Variants in NUTM1 observed in about 807,000 individuals in gnomAD.
NUTM1 encodes NUT midline carcinoma family member 1, also known as NUT family member 1.
A neutral mutation model predicts 88.7 loss-of-function variants in NUTM1; 39 were observed. That is an observed-to-expected ratio of 0.44 (90% CI 0.34 to 0.57). The LOEUF (loss-of-function observed/expected upper bound fraction) is 0.57, where lower values mean the gene tolerates loss of function less well. NUTM1 is among the 20% of genes least tolerant of loss of function. The pLI is 0.01. For missense variants in NUTM1, 1,350 were observed against 1,414.5 expected (o/e 0.95, Z 0.73); for synonymous variants, 494 against 538.0 (o/e 0.92, Z 1.13).
chr15:34,346,063 T>C (rs1852307456), intron 2 of NUTM1, 28 bp downstream of exon 2: 1 of 1,608,164 alleles, frequency 6.2e-7, no homozygotes, highest in African/African-American at 1.3e-5. Context: ...GAGGAGGATT[T>C]CTGGTACCTG....
In NUTM1 at chr15:34,348,333, G is replaced by A. The variant is rs1289508620; in HGVS notation, c.465G>A (p.Glu155=). 6.2e-7 allele frequency: 1 copy of A among 1,614,118 alleles called. No homozygotes were observed. The highest frequency in any genetic ancestry group is 8.5e-7 in the Non-Finnish European group (1 of 1,180,048). ...CGGGCACTCCCTGTGGAGGCCTTGAGGGTCCTGCACCTCCATTTGTGACAG... is the reference window on the plus strand; with the variant it reads ...CGGGCACTCCCTGTGGAGGCCTTGAAGGTCCTGCACCTCCATTTGTGACAG... The part of the protein sequence containing the change: ...TAPGTPCGGL[E]GPAPPFVTAS... Residue 155 remains glutamate, a synonymous_variant, in exon 3 of 8, where the codon GAG becomes GAA. Transcript: ENST00000537011.
Position 34,345,956 on chromosome 15 carries a change from T to TG in NUTM1, c.23dup (p.Pro9ThrfsTer2), listed in dbSNP as rs1890578874. The TG allele has an allele frequency of 6.2e-7, 1 of 1,613,996 alleles. No homozygotes were observed. The highest frequency in any genetic ancestry group is 8.5e-7 in the Non-Finnish European group (1 of 1,179,976). On this transcript the variant is annotated frameshift_variant, in exon 2 of 8. Transcript: ENST00000537011. LOFTEE classifies it high-confidence loss of function. ...ACTGGAGCCAGGTTACTCTGGGTCC[T>TG]GGACCTGACTGCCTCATTCTGGAGG... is the stretch of plus-strand genomic sequence containing the variant.
At chr15:34,343,774 G>T (rs1034711425) in intron 1 of NUTM1, 72 bp downstream of exon 1, 10 of 1,375,036 alleles carry the variant, frequency 7.3e-6, no homozygotes, top group Non-Finnish European at 9.9e-6. Context: ...GAATATAGAA[G>T]TTCTCCTTAT....
rs1268368266 is a variant in NUTM1 at position 34,356,143 on chromosome 15, C to T, written c.2135C>T (p.Ser712Phe). 1.2e-6 allele frequency: 2 copies of T among 1,612,616 alleles called. No homozygotes were observed. The highest frequency in any genetic ancestry group is 2.2e-5 in the South Asian group (2 of 91,026). The change falls in exon 8 of 8, where the codon TCT (serine) becomes TTT (phenylalanine). Residue 712 changes from serine to phenylalanine, a missense_variant. Coordinates refer to ENST00000537011, the MANE Select transcript of NUTM1 (RefSeq NM_001284292.2). ...CCTTTAGCAGTGCCCTGGGAAGGCT[C>T]TTCAGGAGCCATGTGGGGAGATGAC... is the stretch of plus-strand genomic sequence containing the variant. ...KEPLAVPWEG[S>F]SGAMWGDDRG...
At chr15:34,351,613 T>G (rs2140156734) in intron 4 of NUTM1, among the ~76,000 whole-genome samples, 2 of 152,194 alleles carry the variant, frequency 1.3e-5, no homozygotes, top group East Asian at 3.9e-4. Flanking sequence ...ATATAGAAAT[T>G]TCATGCTGAA....
At chr15:34,344,585 CAG>C (rs1890551275) in intron 1 of NUTM1, among the ~76,000 whole-genome samples, 1 of 150,146 alleles carries the variant, frequency 6.7e-6, no homozygotes, top group Admixed American at 6.6e-5. Flanking sequence ...TCACAAGAAA[CAG>C]ATGATACTGG....
chr15:34,350,790 C>T lies in NUTM1; in HGVS notation c.896C>T (p.Thr299Ile). ...TTGGCTGTGCAGGAGTGGGAGCACA[C>T]CAGCAACTTTGACCGGATGATCTTT... ...LPLAVQEWEHTSNFDRMIFYE... is the reference protein window; with the variant it reads ...LPLAVQEWEHISNFDRMIFYE... The change falls in exon 4 of 8, where the codon ACC (threonine) becomes ATC (isoleucine). Residue 299 changes from threonine to isoleucine, a missense_variant. By Grantham distance (89) the Thr-to-Ile change is moderately conservative. Transcript: ENST00000537011. 6.2e-7 allele frequency: 1 copy of T among 1,614,034 alleles called. No individual in the cohort carries two copies.
intron 2 of NUTM1, among the ~76,000 whole-genome samples, chr15:34,346,247 C>T (rs1401188981): frequency 6.6e-6 from 1 of 152,136 alleles, no homozygotes; most frequent in African/African-American, 2.4e-5. Flanking sequence ...TCTGAGGACA[C>T]ATGCTGAGTA....
intron 4 of NUTM1, among the ~76,000 whole-genome samples, chr15:34,351,391 AAAAAG>A (rs1042647232): frequency 3.3e-5 from 5 of 151,448 alleles, no homozygotes; most frequent in South Asian, 2.1e-4. Flanking sequence ...CAAAAAAAAA[AAAAAG>A]AAAAGAAAAG....
intron 3 of NUTM1, among the ~76,000 whole-genome samples, chr15:34,349,819 T>C (rs1381418426): frequency 6.6e-6 from 1 of 152,246 alleles, no homozygotes. Flanking sequence ...AAGGCAGATC[T>C]GAGTTCGCTC....
rs969605211 is a variant in NUTM1, at chr15:34,356,461, G to A, written c.2453G>A (p.Gly818Asp). The A allele has an allele frequency of 1.2e-6, 2 of 1,612,454 alleles. No individual in the cohort carries two copies. The highest frequency in any genetic ancestry group is 2.7e-5 in the African/African-American group (2 of 74,876). ...DTESSVIPCG[G>D]TVAAAALEKR... ...GAGAGCAGTGTGATTCCCTGTGGAG[G>A]CACAGTTGCGGCAGCTGCCCTAGAA... The change falls in exon 8 of 8, where the codon GGC becomes GAC. Residue 818 changes from glycine (G) to aspartate (D), a missense_variant. Gly to Asp is a moderately conservative substitution (Grantham distance 94). Transcript: ENST00000537011.
intron 5 of NUTM1, 118 bp from the exon 6 acceptor site, chr15:34,354,328 G>A: frequency 8.9e-7 from 1 of 1,124,692 alleles, no homozygotes; most frequent in Admixed American, 2.0e-5. Flanking sequence ...CAGAAGCTGT[G>A]GTTTCTGTGC....
In NUTM1 at chr15:34,348,031, GCACTTCCCTT is replaced by G. The variant is rs779853235; in HGVS notation, c.164_173del (p.Ala55ValfsTer32). 3 of 1,613,912 alleles carry G rather than the reference GCACTTCCCTT, an allele frequency of 1.9e-6. No homozygotes were observed. The highest frequency in any genetic ancestry group is 1.7e-6 in the Non-Finnish European group (2 of 1,179,922). ...TAGTGCCGCCCCGTCTCCATCCCCT[GCACTTCCCTT>G]TCTCCCACCAACTTCTGACCCACCA... is the stretch of plus-strand genomic sequence containing the variant. On this transcript the variant is annotated frameshift_variant, in exon 3 of 8. Transcript: ENST00000537011. LOFTEE classifies it high-confidence loss of function.
chr15:34,343,869 G>A (rs1234907509), intron 1 of NUTM1, among the ~76,000 whole-genome samples, 167 bp downstream of exon 1: 1 of 150,930 alleles, frequency 6.6e-6, no homozygotes, highest in East Asian at 1.9e-4. Context: ...AATGACAAAA[G>A]CATTGGAATA....
At chr15:34,346,143 T>TGTG in intron 2 of NUTM1, 108 bp downstream of exon 2, 1 of 1,126,218 alleles carries the variant, frequency 8.9e-7, no homozygotes, top group Non-Finnish European at 1.3e-6. Context: ...CCGTCAAAGG[T>TGTG]ATCACACTTG....
At position 34,356,625 on chromosome 15, in the gene NUTM1, GA is replaced by G; in HGVS notation, c.2620del (p.Ser874ValfsTer53). The G allele has an allele frequency of 2.5e-6, 4 of 1,613,966 alleles. No individual in the cohort carries two copies. The highest frequency in any genetic ancestry group is 3.4e-6 in the Non-Finnish European group (4 of 1,179,992). On this transcript the variant is annotated frameshift_variant, in exon 8 of 8. Coordinates refer to ENST00000537011, the MANE Select transcript of NUTM1 (RefSeq NM_001284292.2). LOFTEE classifies it high-confidence loss of function. ...LWAEGCFPLL[E>X]SGDSTLGSSK... Reference sequence around the variant, plus strand: ...GGCAGAAGGTTGCTTCCCATTGCTAGAAAGTGGTGATTCCACACTGGGGTCT... The same window carrying G: ...GGCAGAAGGTTGCTTCCCATTGCTAGAAGTGGTGATTCCACACTGGGGTCT...
At chr15:34,353,649 T>A in intron 4 of NUTM1, 87 bp from the exon 5 acceptor site, 1 of 1,537,788 alleles carries the variant, frequency 6.5e-7, no homozygotes, top group Non-Finnish European at 8.9e-7. Context: ...AGCACTTCCT[T>A]TCTTGGCCAT....
At chr15:34,353,955 G>T (rs1890752932) in intron 5 of NUTM1, 83 bp downstream of exon 5, 5 of 1,478,404 alleles carry the variant, frequency 3.4e-6, no homozygotes, top group Non-Finnish European at 4.7e-6. Context: ...ATTAGAGAAG[G>T]CATAGCCCAG....
chr15:34,346,354 T>C (rs901944706), intron 2 of NUTM1, among the ~76,000 whole-genome samples: 1 of 151,698 alleles, frequency 6.6e-6, no homozygotes, highest in Non-Finnish European at 1.5e-5. Flanking sequence ...GGTATGTGTC[T>C]TAGGACTGGC....
Sources: gnomAD v4.1 joint callset for allele counts (sites outside exome capture counted in the v4.1 genomes callset) on GRCh38, gnomAD v4.1.1 for gene constraint, MANE v1.5 for transcripts, NCBI Gene and HGNC (gene_info 2026-07-23, HGNC 2026-07-21) for gene names.